Variants in CFHR1 observed in about 807,000 individuals in gnomAD.
CFHR1 encodes complement factor H related 1, also known as complement factor H-related protein 1.
In CFHR1, 22 loss-of-function variants were observed where a neutral mutation model predicts 30.4. The observed-to-expected ratio is 0.72, with a 90% CI of 0.52 to 1.03. CFHR1 has a LOEUF of 1.03. Among genes scored for constraint, CFHR1 ranks in the 50% least tolerant of loss-of-function variants. The probability of loss-of-function intolerance (pLI) is 0.00; values close to 1 mark genes in which losing one functional copy is unlikely to be tolerated. For missense variants in CFHR1, 248 were observed against 380.6 expected (o/e 0.65, Z 2.90); for synonymous variants, 95 against 129.1 (o/e 0.74, Z 1.79).
At chr1:196,824,733 C>T (rs11808491) in intron 1 of CFHR1, among the ~76,000 whole-genome samples, 35,092 of 83,946 alleles carry the variant, frequency 0.42, 9,474 homozygotes, top group African/African-American at 0.56. Flanking sequence ...CGAAGTGAAA[C>T]GAGTGGGGCT....
Position 196,826,999 on chromosome 1 carries a change from T to A in CFHR1, c.424T>A (p.Ser142Thr). ...CTGGTCCACCCCTCCCAAATGCAGG[T>A]CCACTGGTAAGTACAATGCTGTTCT... ...RGWSTPPKCR[S>T]TDTSCVNPPT... Residue 142 changes from serine (S) to threonine (T), a missense_variant, in exon 3 of 6, where the codon TCC (serine) becomes ACC (threonine). Physicochemically the swap from Ser to Thr is moderately conservative, Grantham distance 58. This residue lies in a region of CFHR1 where 121 missense variants were observed against 162.6 expected (regional missense o/e 0.74). Transcript: ENST00000320493. 1 of 1,524,158 alleles carries A rather than the reference T, an allele frequency of 6.6e-7. No homozygotes were observed. The allele number at this position is 1,524,158 out of a possible 1,614,324, so 94.4% of individuals were successfully genotyped here.
intron 4 of CFHR1, 41 bp from the exon 5 acceptor site, chr1:196,830,459 T>G (rs1655501040): frequency 6.6e-7 from 1 of 1,511,174 alleles, no homozygotes; most frequent in Admixed American, 1.7e-5. Context: ...TATTTTGATT[T>G]GCTCTCACAA....
Position 196,830,912 on chromosome 1 carries a change from G to A in CFHR1, c.790+230G>A, listed in dbSNP as rs1443831742. On this transcript the variant is annotated intron_variant, in intron 5 of 5. Transcript: ENST00000320493. ...GGAGGCCGAGGCGGGCAGATCACGA[G>A]GTCAGGAGATTGAGACCATCCTGGC... Among the ~76,000 whole-genome samples the A allele has an allele frequency of 6.0e-5, 8 of 134,338 alleles. 3 individuals carry two copies. Among genetic ancestry groups the A allele is most frequent in the Non-Finnish European group, 1.1e-4 (7 of 64,034 alleles). The allele number at this position is 134,338 out of a possible 152,430, so 88.1% of individuals were successfully genotyped here.
intron 5 of CFHR1, among the ~76,000 whole-genome samples, chr1:196,831,300 C>CTAAAT (rs1387313686): frequency 2.2e-5 from 3 of 135,356 alleles, no homozygotes; most frequent in African/African-American, 3.2e-5. Flanking sequence ...ATCACCTATG[C>CTAAAT]TTAGCATTGG....
At position 196,825,168 on chromosome 1, in the gene CFHR1, T is replaced by C. The variant is rs1451148148; in HGVS notation, c.59-309T>C. The stretch of plus-strand genomic sequence containing the variant: ...GTAGATCAGGAAGATTTGCTACTCT[T>C]ACACTCTGTCTTCATTCTTAAATTG... On this transcript the variant is annotated intron_variant, in intron 1 of 5. Coordinates refer to ENST00000320493, the MANE Select transcript of CFHR1 (RefSeq NM_002113.3). 5.2e-5 allele frequency: 14 copies of C among 268,702 alleles called. 2 individuals are homozygous for C. The highest frequency in any genetic ancestry group is 8.2e-5 in the Non-Finnish European group (12 of 147,058). 16.6% of individuals were successfully genotyped at this position (268,702 alleles called of 1,614,324 possible). A position where few individuals can be genotyped will look rare whatever the true frequency, so the allele number is the denominator to read the frequency against.
rs403802 is a variant in CFHR1 at position 196,830,973 on chromosome 1, G to A, written c.790+291G>A. On this transcript the variant is annotated intron_variant, in intron 5 of 5. Coordinates refer to ENST00000320493, the MANE Select transcript of CFHR1 (RefSeq NM_002113.3). ...AAACCCCGTCTCTACTAAAAATACA[G>A]AATAATAATAATAACCGGCATGGTG... is the stretch of plus-strand genomic sequence containing the variant. Among the ~76,000 whole-genome samples the A allele has an allele frequency of 0.47, 60,835 of 129,658 alleles. 20,147 individuals carry two copies. The highest frequency in any genetic ancestry group is 0.58 in the African/African-American group (17,030 of 29,376). 85.1% of individuals were successfully genotyped at this position (129,658 alleles called of 152,430 possible).
At chr1:196,820,620 C>G (rs1289194028) in intron 1 of CFHR1, among the ~76,000 whole-genome samples, 1 of 127,180 alleles carries the variant, frequency 7.9e-6, no homozygotes, top group African/African-American at 3.4e-5. Flanking sequence ...ACTAATTAAA[C>G]TATGTCTGTA....
At chr1:196,829,974 C>T (rs551466887) in intron 4 of CFHR1, among the ~76,000 whole-genome samples, 2 of 134,328 alleles carry the variant, frequency 1.5e-5, no homozygotes, top group East Asian at 2.0e-4. Context: ...TGTTTTCAGT[C>T]TATTTTCAGA....
In CFHR1 at chr1:196,830,645, T is replaced by C. The variant is rs1413578263; in HGVS notation, c.753T>C (p.Cys251=). The C allele has an allele frequency of 6.6e-7, 1 of 1,524,594 alleles. No individual in the cohort carries two copies. The highest frequency in any genetic ancestry group is 2.2e-5 in the East Asian group (1 of 44,612). 94.4% of individuals were successfully genotyped at this position (1,524,594 alleles called of 1,614,324 possible). A position where few individuals can be genotyped will look rare whatever the true frequency, so the allele number is the denominator to read the frequency against. ...TTGAGGGTAACAAGCGAATAACATG[T>C]AGAAATGGACAATGGTCAGAACCAC... ...YQLEGNKRIT[C]RNGQWSEPPK... Residue 251 remains cysteine (C), a synonymous_variant, in exon 5 of 6, where the codon TGT becomes TGC. Coordinates refer to ENST00000320493, the MANE Select transcript of CFHR1 (RefSeq NM_002113.3).
intron 1 of CFHR1, among the ~76,000 whole-genome samples, chr1:196,822,547 A>G (rs1418068119): frequency 7.5e-6 from 1 of 133,478 alleles, no homozygotes; most frequent in East Asian, 2.0e-4. Context: ...TTAAAAACAG[A>G]CACAAACACA....
At chr1:196,828,362 A>C (rs1274344545) in intron 4 of CFHR1, 116 bp downstream of exon 4, 4 of 814,362 alleles carry the variant, frequency 4.9e-6, no homozygotes, top group Non-Finnish European at 7.3e-6. Flanking sequence ...AAATAAAATG[A>C]TTGATGGTGC....
Position 196,825,771 on chromosome 1 carries a change from C to T in CFHR1, c.253+100C>T, listed in dbSNP as rs1202064938. 1.2e-5 allele frequency: 14 copies of T among 1,213,746 alleles called. 3 individuals carry two copies. In the Admixed American group the frequency reaches 2.1e-4, roughly 18 times the overall value. 75.2% of individuals were successfully genotyped at this position (1,213,746 alleles called of 1,614,324 possible). A position where few individuals can be genotyped will look rare whatever the true frequency, so the allele number is the denominator to read the frequency against. ...GTCTTGATAATCACAGGGACAGTGA[C>T]CAAAGAAGCTGGAAAGATGGGAGAT... On this transcript the variant is annotated intron_variant, in intron 2 of 5. Transcript: ENST00000320493.
chr1:196,828,403 A>G (rs1186570572), intron 4 of CFHR1, among the ~76,000 whole-genome samples, 157 bp downstream of exon 4: 4 of 133,588 alleles, frequency 3.0e-5, no homozygotes, highest in Non-Finnish European at 6.3e-5. Flanking sequence ...TGAACAGAAC[A>G]CAAGTAATAG....
At chr1:196,830,468 A>G (rs1276385705) in intron 4 of CFHR1, 32 bp from the exon 5 acceptor site, 2 of 1,520,782 alleles carry the variant, frequency 1.3e-6, no homozygotes, top group Non-Finnish European at 1.8e-6. Context: ...TTGCTCTCAC[A>G]ATAAATCAAG....
Position 196,830,600 on chromosome 1 carries a change from A to G in CFHR1, c.708A>G (p.Gln236=), listed in dbSNP as rs373826359. The change falls in exon 5 of 6, where the codon CAA becomes CAG. Residue 236 remains glutamine, a synonymous_variant. Coordinates refer to ENST00000320493, the MANE Select transcript of CFHR1 (RefSeq NM_002113.3). ...CTCCAGCTTCATCAGTTGAGTACCAATGCCAGAACTTGTATCAACTTGAGG... is the reference window on the plus strand; with the variant it reads ...CTCCAGCTTCATCAGTTGAGTACCAGTGCCAGAACTTGTATCAACTTGAGG... ...VYAPASSVEY[Q]CQNLYQLEGN... 4.6e-6 allele frequency: 7 copies of G among 1,524,024 alleles called. No homozygotes were observed. The highest frequency in any genetic ancestry group is 3.5e-5 in the Admixed American group (2 of 57,878). 94.4% of individuals were successfully genotyped at this position (1,524,024 alleles called of 1,614,324 possible).
intron 1 of CFHR1, among the ~76,000 whole-genome samples, chr1:196,822,338 C>A (rs1655147579): frequency 1.5e-5 from 2 of 131,142 alleles, no homozygotes; most frequent in Admixed American, 1.5e-4. Flanking sequence ...TTATTTTAAA[C>A]TTTTCTTCGA....
In CFHR1 at chr1:196,831,998, A is replaced by G. The variant is rs145057542; in HGVS notation, c.992A>G (p.Ter331TrpextTer4). 4.2e-4 allele frequency: 634 copies of G among 1,521,394 alleles called. 121 individuals are homozygous for G. The Middle Eastern group carries it at 4.9e-3, about 12-fold the overall frequency. 94.2% of individuals were successfully genotyped at this position (1,521,394 alleles called of 1,614,324 possible). A position where few individuals can be genotyped will look rare whatever the true frequency, so the allele number is the denominator to read the frequency against. The change falls in exon 6 of 6, where the codon TAG (stop) becomes TGG (tryptophan). Residue 331 changes from the stop codon to tryptophan, a stop_lost. Transcript: ENST00000320493. ...GAGTATCCAACTTGTGCAAAAAGAT[A>G]GAATCAATCATAAAATGCACACCTT... is the stretch of plus-strand genomic sequence containing the variant. ...KLEYPTCAKR[*>W]
At chr1:196,822,774 C>T (rs973846371) in intron 1 of CFHR1, among the ~76,000 whole-genome samples, 1 of 134,372 alleles carries the variant, frequency 7.4e-6, no homozygotes, top group African/African-American at 3.2e-5. Context: ...AAGAAGTTAA[C>T]TATAAAATAC....
At position 196,825,521 on chromosome 1, in the gene CFHR1, GA is replaced by G. The variant is rs773313542; in HGVS notation, c.104del (p.Asp35ValfsTer36). On this transcript the variant is annotated frameshift_variant, in exon 2 of 6. Transcript: ENST00000320493. LOFTEE classifies it high-confidence loss of function. ...FPKINHGILY[D>X]EEKYKPFSQV... ...AAAAATAAACCATGGAATTCTATAT[GA>G]TGAAGAAAAATATAAGCCATTTTCC... 1.0e-4 allele frequency: 155 copies of G among 1,519,322 alleles called. 8 individuals carry two copies. In the East Asian group the frequency reaches 3.4e-3, roughly 34 times the overall value. 94.1% of individuals were successfully genotyped at this position (1,519,322 alleles called of 1,614,324 possible).
Sources: allele counts gnomAD v4.1 joint callset (sites outside exome capture counted in the v4.1 genomes callset), GRCh38; gene constraint gnomAD v4.1.1; regional missense constraint gnomAD v4.1.1; transcripts MANE v1.5; gene names NCBI Gene and HGNC (gene_info 2026-07-23, HGNC 2026-07-21).